Variants in ELAPOR1 observed in about 807,000 individuals in gnomAD.
ELAPOR1 encodes the protein endosome-lysosome associated apoptosis and autophagy regulator 1.
Under a neutral mutation model 119.7 loss-of-function variants are expected in ELAPOR1, and 77 were observed. The ratio of observed to expected loss-of-function variants is 0.64; its 90% CI spans 0.54 to 0.78. The LOEUF (loss-of-function observed/expected upper bound fraction) is 0.78. ELAPOR1 is among the 30% of genes least tolerant of loss of function. ELAPOR1 has a pLI of 0.00. For synonymous variants in ELAPOR1, 481 were observed against 487.2 expected (o/e 0.99, Z 0.17); for missense variants, 1,115 against 1,270.4 (o/e 0.88, Z 1.86).
At chr1:109,176,806 T>C (rs1652320313) in intron 7 of ELAPOR1, among the ~76,000 whole-genome samples, 1 of 136,734 alleles carries the variant, frequency 7.3e-6, no homozygotes, top group Non-Finnish European at 1.6e-5. Flanking sequence ...TGGTGATGAC[T>C]CTTAAGGAGC....
chr1:109,126,835 C>G (rs981469324), intron 1 of ELAPOR1, among the ~76,000 whole-genome samples: 3 of 152,160 alleles, frequency 2.0e-5, no homozygotes, highest in African/African-American at 7.2e-5. Flanking sequence ...CAGGCTTGGA[C>G]AGCTTTGGCT....
At chr1:109,198,738 TC>T in intron 18 of ELAPOR1, 64 bp downstream of exon 18, 1 of 1,406,840 alleles carries the variant, frequency 7.1e-7, no homozygotes, top group South Asian at 1.2e-5. Flanking sequence ...CATCCTGAGA[TC>T]CAGAGATTAC....
chr1:109,178,020 T>TTC (rs1233962094), intron 7 of ELAPOR1, among the ~76,000 whole-genome samples: 3 of 150,854 alleles, frequency 2.0e-5, no homozygotes, highest in African/African-American at 7.3e-5. Flanking sequence ...TCTTTTTTTT[T>TTC]TTTTTTGAGA....
At position 109,191,469 on chromosome 1, in the gene ELAPOR1, G is replaced by A. The variant is rs750524562; in HGVS notation, c.1543G>A (p.Val515Met). ...TGTGAACTGTGAGCTCTACTTCATG[G>A]TGGTACGTTTTCCTTTCTTTGCCCG... ...CSVNCELYFM[V>M]GVNSRTNTPV... Residue 515 changes from valine to methionine, a missense_variant and splice_region_variant, in exon 12 of 22, where the codon GTG becomes ATG. Coordinates refer to ENST00000369939, the MANE Select transcript of ELAPOR1 (RefSeq NM_020775.5). 2.5e-6 allele frequency: 4 copies of A among 1,613,426 alleles called. No individual in the cohort carries two copies. Among genetic ancestry groups the A allele is most frequent in the Non-Finnish European group, 3.4e-6 (4 of 1,179,332 alleles).
chr1:109,126,505 C>G (rs1268662222), intron 1 of ELAPOR1, among the ~76,000 whole-genome samples: 1 of 152,004 alleles, frequency 6.6e-6, no homozygotes, highest in Non-Finnish European at 1.5e-5. Context: ...GAGTCTCGCT[C>G]TGTTGCCCAG....
intron 1 of ELAPOR1, among the ~76,000 whole-genome samples, chr1:109,155,399 C>T (rs188136277): frequency 1.3e-5 from 2 of 152,136 alleles, no homozygotes; most frequent in East Asian, 3.9e-4. Flanking sequence ...AGGATGGTCT[C>T]GATCTCCTGA....
At chr1:109,198,125 T>C (rs1289800197) in intron 17 of ELAPOR1, 50 bp downstream of exon 17, 2 of 1,410,540 alleles carry the variant, frequency 1.4e-6, no homozygotes, top group South Asian at 2.3e-5. Context: ...GACTCCTCCA[T>C]AATTTCTGCT....
intron 7 of ELAPOR1, 136 bp from the exon 8 acceptor site, chr1:109,184,909 G>A: frequency 1.4e-6 from 1 of 714,024 alleles, no homozygotes; most frequent in Non-Finnish European, 2.5e-6. Context: ...AAGGGTGAGT[G>A]TGCAGGATTT....
intron 1 of ELAPOR1, among the ~76,000 whole-genome samples, chr1:109,135,698 C>T (rs186135416): frequency 3.7e-4 from 56 of 152,286 alleles, no homozygotes; most frequent in African/African-American, 1.2e-3. Flanking sequence ...ATCCTAAATC[C>T]GTAGCTTATA....
intron 1 of ELAPOR1, among the ~76,000 whole-genome samples, chr1:109,135,121 C>T (rs1378252931): frequency 6.6e-6 from 1 of 152,198 alleles, no homozygotes; most frequent in Non-Finnish European, 1.5e-5. Context: ...TGGTTTAGAG[C>T]AGGGTTCCCA....
chr1:109,163,775 C>A (rs1651409818), intron 2 of ELAPOR1, among the ~76,000 whole-genome samples: 1 of 152,100 alleles, frequency 6.6e-6, no homozygotes, highest in Admixed American at 6.6e-5. Flanking sequence ...GAGGATATTG[C>A]AATGATTGAG....
intron 7 of ELAPOR1, among the ~76,000 whole-genome samples, 167 bp downstream of exon 7, chr1:109,174,004 A>G (rs1281858059): frequency 7.1e-6 from 1 of 141,780 alleles, no homozygotes; most frequent in Non-Finnish European, 1.5e-5. Context: ...ATATCCATTA[A>G]TCACTTTGTC....
intron 1 of ELAPOR1, among the ~76,000 whole-genome samples, chr1:109,151,736 G>A (rs971532937): frequency 6.6e-6 from 1 of 152,170 alleles, no homozygotes; most frequent in Non-Finnish European, 1.5e-5. Context: ...TTAATTTGGG[G>A]TTGATTAATG....
rs533606843 is a variant in ELAPOR1, at chr1:109,197,055, A to T, written c.2122-419A>T. On this transcript the variant is annotated intron_variant, in intron 15 of 21. Coordinates refer to ENST00000369939, the MANE Select transcript of ELAPOR1 (RefSeq NM_020775.5). ...AGTGGCTCACCCCTGTAATCCCAAC[A>T]CTCTGGGAGACTGAGGCAGGAAGAT... is the stretch of plus-strand genomic sequence containing the variant. Among the ~76,000 whole-genome samples, 12 of 151,502 alleles carry T rather than the reference A, an allele frequency of 7.9e-5. No individual in the cohort carries two copies. In the East Asian group the frequency reaches 1.4e-3, roughly 17 times the overall value.
chr1:109,136,401 G>A (rs1649470168), intron 1 of ELAPOR1, among the ~76,000 whole-genome samples: 2 of 152,218 alleles, frequency 1.3e-5, no homozygotes, highest in African/African-American at 4.8e-5. Flanking sequence ...CAGGGCAGAA[G>A]CAGGGGCCAG....
At position 109,202,481 on chromosome 1, in the gene ELAPOR1, G is replaced by A. The variant is rs1570739839; in HGVS notation, c.2974-463G>A. Among the ~76,000 whole-genome samples the A allele has an allele frequency of 2.8e-5, 4 of 142,252 alleles. No homozygotes were observed. In the East Asian group the frequency reaches 6.4e-4, roughly 23 times the overall value. The allele number at this position is 142,252 out of a possible 152,430, so 93.3% of individuals were successfully genotyped here. On this transcript the variant is annotated intron_variant, in intron 21 of 21. Transcript: ENST00000369939. ...TTTGAGACAGAGTTTCGCTCTTGTT[G>A]CCCAGGCTGGAGTGCAGTGGCATGA...
At chr1:109,168,251 T>A (rs932103259) in intron 3 of ELAPOR1, among the ~76,000 whole-genome samples, 1 of 152,130 alleles carries the variant, frequency 6.6e-6, no homozygotes, top group African/African-American at 2.4e-5. Context: ...CCTGTTACAC[T>A]CTCTTTATCA....
chr1:109,197,688 A>AGAGAGAGAGTGTGTGT (rs113482805), intron 16 of ELAPOR1, 34 bp downstream of exon 16: 27 of 1,366,820 alleles, frequency 2.0e-5, no homozygotes, highest in South Asian at 1.1e-4. Flanking sequence ...CTTGTTTGAG[A>AGAGAGAGAGTGTGTGT]GTGTGTGTGT....
chr1:109,186,142 G>A (rs1441162933), intron 8 of ELAPOR1, among the ~76,000 whole-genome samples: 5 of 152,208 alleles, frequency 3.3e-5, no homozygotes, highest in African/African-American at 9.6e-5. Flanking sequence ...TAGAAGGGTA[G>A]GGATGTCCTC....
Sources: allele counts gnomAD v4.1 joint callset (sites outside exome capture counted in the v4.1 genomes callset), GRCh38; gene constraint gnomAD v4.1.1; transcripts MANE v1.5; gene names NCBI Gene and HGNC (gene_info 2026-07-23, HGNC 2026-07-21).